Variants in TAF4B observed in about 807,000 individuals in gnomAD.
TAF4B encodes the protein TATA-box binding protein associated factor 4b.
In TAF4B, 38 loss-of-function variants were observed where a neutral mutation model predicts 86.4. That is an observed-to-expected ratio of 0.44 (90% CI 0.34 to 0.58). The LOEUF (loss-of-function observed/expected upper bound fraction) is 0.58, where lower values mean the gene tolerates loss of function less well. TAF4B is among the 20% of genes least tolerant of loss of function. The probability of loss-of-function intolerance (pLI) is 0.02; values close to 1 mark genes in which losing one functional copy is unlikely to be tolerated. For missense variants in TAF4B, 988 were observed against 1,027.6 expected (o/e 0.96, Z 0.53); for synonymous variants, 388 against 391.2 (o/e 0.99, Z 0.10).
chr18:26,358,441 T>G (rs535197205), intron 14 of TAF4B, among the ~76,000 whole-genome samples: 1 of 152,200 alleles, frequency 6.6e-6, no homozygotes. Context: ...CCGGGCGAGG[T>G]GGCTCACGCC....
At chr18:26,257,852 T>C (rs1255811192) in intron 1 of TAF4B, among the ~76,000 whole-genome samples, 10 of 76,864 alleles carry the variant, frequency 1.3e-4, no homozygotes, top group South Asian at 1.2e-3. Flanking sequence ...CGTGTGTGTG[T>C]GTGTGTGTGT....
intron 13 of TAF4B, among the ~76,000 whole-genome samples, chr18:26,353,642 T>C (rs1489025608): frequency 4.6e-5 from 7 of 152,202 alleles, no homozygotes; most frequent in African/African-American, 9.6e-5. Context: ...CCTCCTAATA[T>C]CGTTTTTAAT....
intron 3 of TAF4B, among the ~76,000 whole-genome samples, chr18:26,270,122 A>G (rs918270009): frequency 6.6e-6 from 1 of 152,216 alleles, no homozygotes; most frequent in Admixed American, 6.5e-5. Flanking sequence ...ACTTAGCAAC[A>G]TGATCTTAGA....
At chr18:26,311,293 A>G (rs1040866726) in intron 9 of TAF4B, among the ~76,000 whole-genome samples, 3 of 152,198 alleles carry the variant, frequency 2.0e-5, no homozygotes, top group Admixed American at 1.3e-4. Context: ...TAGGCATTCA[A>G]AGTGGATCTG....
intron 10 of TAF4B, among the ~76,000 whole-genome samples, chr18:26,317,165 G>A (rs1364116395): frequency 6.6e-6 from 1 of 151,892 alleles, no homozygotes; most frequent in East Asian, 1.9e-4. Flanking sequence ...GAGTAGCTGG[G>A]ATTACAGGTG....
At chr18:26,271,366 A>G (rs1166098749) in intron 3 of TAF4B, among the ~76,000 whole-genome samples, 4 of 152,258 alleles carry the variant, frequency 2.6e-5, no homozygotes, top group Non-Finnish European at 5.9e-5. Flanking sequence ...TTCTAATTAA[A>G]TGTGAATAAA....
intron 1 of TAF4B, among the ~76,000 whole-genome samples, chr18:26,244,942 T>C (rs1175433317): frequency 1.3e-5 from 2 of 152,136 alleles, no homozygotes; most frequent in African/African-American, 4.8e-5. Flanking sequence ...CAACCAACTT[T>C]TTGTCGGGAC....
At chr18:26,386,043 G>A (rs561073071) in intron 14 of TAF4B, among the ~76,000 whole-genome samples, 1 of 152,260 alleles carries the variant, frequency 6.6e-6, no homozygotes, top group East Asian at 1.9e-4. Flanking sequence ...TTCTAAGTTA[G>A]CTGCTATTTG....
intron 14 of TAF4B, among the ~76,000 whole-genome samples, chr18:26,366,791 T>C (rs2057374728): frequency 6.6e-6 from 1 of 152,224 alleles, no homozygotes; most frequent in Non-Finnish European, 1.5e-5. Flanking sequence ...TAATTAAGTA[T>C]TGGCAGTTTC....
intron 2 of TAF4B, chr18:26,266,228 T>G (rs2056237810): frequency 6.6e-6 from 1 of 152,266 alleles, no homozygotes; most frequent in Non-Finnish European, 1.5e-5. Context: ...TTCTCCTGCC[T>G]CAGCCTCCTG....
intron 9 of TAF4B, among the ~76,000 whole-genome samples, chr18:26,310,815 T>C (rs1468669022): frequency 6.6e-6 from 1 of 152,146 alleles, no homozygotes; most frequent in Non-Finnish European, 1.5e-5. Context: ...CAGTTTCTTA[T>C]GTATTGTTCT....
intron 1 of TAF4B, chr18:26,256,306 T>C: frequency 6.9e-7 from 1 of 1,453,230 alleles, no homozygotes; most frequent in Admixed American, 1.7e-5. Context: ...GCTCTGCAAA[T>C]ACAGCAGCCC....
intron 7 of TAF4B, 36 bp from the exon 8 acceptor site, chr18:26,292,210 G>T: frequency 6.3e-7 from 1 of 1,598,878 alleles, no homozygotes; most frequent in Non-Finnish European, 8.5e-7. Flanking sequence ...AAAGCCTTAA[G>T]TTGAACAACT....
At chr18:26,374,835 A>G (rs1197680190) in intron 14 of TAF4B, among the ~76,000 whole-genome samples, 1 of 152,210 alleles carries the variant, frequency 6.6e-6, no homozygotes, top group African/African-American at 2.4e-5. Flanking sequence ...TCCATGGAAT[A>G]TTGAAGGAAA....
chr18:26,258,946 GCTTC>G (rs954920687), intron 1 of TAF4B, among the ~76,000 whole-genome samples: 5 of 151,382 alleles, frequency 3.3e-5, no homozygotes, highest in African/African-American at 1.2e-4. Context: ...CAGTCCTCCT[GCTTC>G]AGCCTTCCAA....
intron 13 of TAF4B, among the ~76,000 whole-genome samples, chr18:26,337,884 A>G (rs1489743715): frequency 6.6e-6 from 1 of 152,116 alleles, no homozygotes; most frequent in East Asian, 1.9e-4. Flanking sequence ...TTCACTCATG[A>G]ATTTTTTATT....
chr18:26,292,855 A>G (rs1185956549), intron 8 of TAF4B, among the ~76,000 whole-genome samples: 1 of 152,150 alleles, frequency 6.6e-6, no homozygotes, highest in Non-Finnish European at 1.5e-5. Flanking sequence ...ACATACATAG[A>G]AACTTTTTAG....
At chr18:26,261,968 G>A (rs1486509464) in intron 1 of TAF4B, among the ~76,000 whole-genome samples, 1 of 152,164 alleles carries the variant, frequency 6.6e-6, no homozygotes, top group Non-Finnish European at 1.5e-5. Flanking sequence ...CCCTGCTCTA[G>A]GAACAAGGTA....
At chr18:26,259,673 C>T (rs564355326) in intron 1 of TAF4B, among the ~76,000 whole-genome samples, 1 of 152,246 alleles carries the variant, frequency 6.6e-6, no homozygotes, top group East Asian at 1.9e-4. Flanking sequence ...TTTCTTAATC[C>T]AGTCTATCAT....
Sources: allele counts gnomAD v4.1 joint callset (sites outside exome capture counted in the v4.1 genomes callset), GRCh38; gene constraint gnomAD v4.1.1; transcripts MANE v1.5; gene names NCBI Gene and HGNC (gene_info 2026-07-23, HGNC 2026-07-21).